The following ZNF813 variants were observed in gnomAD, a reference collection of about 807,000 sequenced individuals.
ZNF813 encodes zinc finger protein 813.
ZNF813 carries 3 observed loss-of-function variants against 7.2 expected under a neutral mutation model. That is an observed-to-expected ratio of 0.42 (90% CI 0.19 to 1.08). The LOEUF (loss-of-function observed/expected upper bound fraction) is 1.08, where lower values mean the gene tolerates loss of function less well. Among genes scored for constraint, ZNF813 ranks in the 50% least tolerant of loss-of-function variants. ZNF813 has a pLI of 0.30. For missense variants in ZNF813, 714 were observed against 753.3 expected, an observed-to-expected ratio of 0.95 and a Z score of 0.61; for synonymous variants, 227 against 256.3, an observed-to-expected ratio of 0.89 and a Z score of 1.09.
At chr19:53,473,729 A>G (rs1307766480) in intron 1 of ZNF813, among the ~76,000 whole-genome samples, 1 of 152,208 alleles carries the variant, frequency 6.6e-6, no homozygotes, top group Non-Finnish European at 1.5e-5. Flanking sequence ...GGCTTCTTGC[A>G]TGGCTATTAT....
rs2086473883 is a variant in ZNF813 at position 53,493,599 on chromosome 19, T to C, written c.*1513T>C. ...TTAAATTTTCTTTTAAAATTGTTTA[T>C]TGTTAATGTATGGAAATTCAGCTAA... is the stretch of plus-strand genomic sequence containing the variant. On this transcript the variant is annotated 3_prime_UTR_variant, in exon 4 of 4. Coordinates refer to ENST00000396403, the MANE Select transcript of ZNF813 (RefSeq NM_001004301.4). 1 of 152,390 alleles carries C rather than the reference T, an allele frequency of 6.6e-6. No homozygotes were observed. The highest frequency in any genetic ancestry group is 2.1e-4 in the South Asian group (1 of 4,838). The allele number at this position is 152,390 out of a possible 1,614,324, so 9.4% of individuals were successfully genotyped here. A position where few individuals can be genotyped will look rare whatever the true frequency, so the allele number is the denominator to read the frequency against.
At chr19:53,468,140 C>T (rs1184737059) in intron 1 of ZNF813, among the ~76,000 whole-genome samples, 1 of 152,102 alleles carries the variant, frequency 6.6e-6, no homozygotes, top group Non-Finnish European at 1.5e-5. Context: ...AGAACCGCGG[C>T]CCCAGTCCCG....
intron 1 of ZNF813, among the ~76,000 whole-genome samples, chr19:53,473,298 C>G (rs1179854211): frequency 6.6e-6 from 1 of 151,982 alleles, no homozygotes; most frequent in Non-Finnish European, 1.5e-5. Context: ...AGGGCTTGTC[C>G]CCTCCAGCTT....
intron 2 of ZNF813, among the ~76,000 whole-genome samples, chr19:53,485,568 ATACATGTATGTCATGACATATG>A (rs1260488683): frequency 2.7e-5 from 3 of 110,166 alleles, no homozygotes; most frequent in Non-Finnish European, 6.0e-5. Flanking sequence ...CATGACATAT[ATACATGTATGTCATGACATATG>A]TATGTCATGA....
chr19:53,471,597 C>T (rs1341183337), intron 1 of ZNF813, among the ~76,000 whole-genome samples: 1 of 151,860 alleles, frequency 6.6e-6, no homozygotes, highest in East Asian at 1.9e-4. Context: ...ATCACAAGGT[C>T]AGGAGATCAA....
At chr19:53,473,692 C>A (rs148679639) in intron 1 of ZNF813, among the ~76,000 whole-genome samples, 1 of 152,218 alleles carries the variant, frequency 6.6e-6, no homozygotes, top group African/African-American at 2.4e-5. Flanking sequence ...TCAGACTTAT[C>A]GGCATTCTTT....
rs775147572 is a variant in ZNF813, at chr19:53,492,022, A to G, written c.1790A>G (p.His597Arg). 24 of 1,614,006 alleles carry G rather than the reference A, an allele frequency of 1.5e-5. No individual in the cohort carries two copies. The highest frequency in any genetic ancestry group is 1.9e-5 in the Non-Finnish European group (22 of 1,180,002). The change falls in exon 4 of 4, where the codon CAT (histidine) becomes CGT (arginine). Residue 597 changes from histidine to arginine, a missense_variant. By Grantham distance (29) the His-to-Arg change is conservative. Transcript: ENST00000396403. Reference protein sequence around the residue: ...VFNQKANLARHHRLHTGEKPY... With the variant: ...VFNQKANLARRHRLHTGEKPY... ...AATCAAAAAGCAAACCTTGCACGTC[A>G]TCATAGACTTCATACTGGAGAGAAA...
At chr19:53,483,121 G>C (rs1316000565) in intron 1 of ZNF813, among the ~76,000 whole-genome samples, 1 of 151,936 alleles carries the variant, frequency 6.6e-6, no homozygotes, top group Non-Finnish European at 1.5e-5. Context: ...TGTTGGCCAG[G>C]CTGGTCTCTG....
In ZNF813 at chr19:53,490,457, A is replaced by G. The variant is rs1261545164; in HGVS notation, c.225A>G (p.Gln75=). The G allele has an allele frequency of 1.2e-6, 2 of 1,614,068 alleles. No individual in the cohort carries two copies. Among genetic ancestry groups the G allele is most frequent in the South Asian group, 1.1e-5 (1 of 91,082 alleles). ...NREVIHTGTL[Q]RHESHHTGDF... ...AAGTGATCCACACAGGGACATTGCAAAGACATGAAAGTCATCACACTGGAG... is the reference window on the plus strand; with the variant it reads ...AAGTGATCCACACAGGGACATTGCAGAGACATGAAAGTCATCACACTGGAG... The change falls in exon 4 of 4, where the codon CAA becomes CAG. Residue 75 remains glutamine (Q), a synonymous_variant. Transcript: ENST00000396403.
intron 2 of ZNF813, among the ~76,000 whole-genome samples, chr19:53,485,669 C>T (rs1454754522): frequency 6.6e-6 from 1 of 151,126 alleles, no homozygotes; most frequent in Admixed American, 6.6e-5. Flanking sequence ...TACACATACA[C>T]ACACAATGGA....
At position 53,492,595 on chromosome 19, in the gene ZNF813, C is replaced by A. The variant is rs2086469259; in HGVS notation, c.*509C>A. 1.6e-6 allele frequency: 1 copy of A among 642,384 alleles called. No homozygotes were observed. Among genetic ancestry groups the A allele is most frequent in the Non-Finnish European group, 2.7e-6 (1 of 363,772 alleles). The allele number at this position is 642,384 out of a possible 1,614,324, so 39.8% of individuals were successfully genotyped here. ...TAATGAGCAGTCAACACTTACTCAC[C>A]ATCAGGCAATCCATGGTGAAGGAAA... is the stretch of plus-strand genomic sequence containing the variant. On this transcript the variant is annotated 3_prime_UTR_variant, in exon 4 of 4. Transcript: ENST00000396403.
chr19:53,473,764 A>G (rs919247603), intron 1 of ZNF813, among the ~76,000 whole-genome samples: 5 of 152,288 alleles, frequency 3.3e-5, no homozygotes, highest in Admixed American at 1.3e-4. Flanking sequence ...GTTTTCTTAA[A>G]GTTAATTCCT....
chr19:53,488,141 C>A (rs917310608), intron 3 of ZNF813: 18 of 404,960 alleles, frequency 4.4e-5, no homozygotes, highest in African/African-American at 3.7e-4. Context: ...TCTCCTGCCT[C>A]AATTTCCCGA....
chr19:53,471,191 G>T (rs898375982), intron 1 of ZNF813, among the ~76,000 whole-genome samples: 1 of 152,068 alleles, frequency 6.6e-6, no homozygotes, highest in African/African-American at 2.4e-5. Flanking sequence ...AAGAAACATG[G>T]TCTAATTGTT....
chr19:53,490,535 G>T lies in ZNF813; in HGVS notation c.303G>T (p.Trp101Cys). ...ATATTCATAACTTAGAGTTTCAGTG[G>T]CAAGAAGATGAAAGAAATAGCCATG... ...DKDIHNLEFQWQEDERNSHEA... is the reference protein window; with the variant it reads ...DKDIHNLEFQCQEDERNSHEA... The change falls in exon 4 of 4, where the codon TGG (tryptophan) becomes TGT (cysteine). Residue 101 changes from tryptophan to cysteine, a missense_variant. Transcript: ENST00000396403. The T allele has an allele frequency of 6.2e-7, 1 of 1,614,126 alleles. No homozygotes were observed. The highest frequency in any genetic ancestry group is 8.5e-7 in the Non-Finnish European group (1 of 1,180,026).
chr19:53,479,456 G>A, intron 1 of ZNF813: 1 of 1,527,668 alleles, frequency 6.5e-7, no homozygotes, highest in African/African-American at 1.4e-5. Flanking sequence ...GAAGCTGAGA[G>A]AGAAAGGTGG....
chr19:53,479,227 G>A (rs370641705), intron 1 of ZNF813: 9 of 957,482 alleles, frequency 9.4e-6, no homozygotes, highest in South Asian at 2.8e-5. Context: ...GAGCAACCAC[G>A]CCCAGCTGAG....
intron 1 of ZNF813, chr19:53,479,488 G>A (rs1475365483): frequency 8.3e-6 from 12 of 1,453,864 alleles, no homozygotes; most frequent in East Asian, 2.3e-5. Context: ...GGCTGAGGCT[G>A]AAGTGGCCTC....
chr19:53,469,811 AAC>A (rs1411260090), intron 1 of ZNF813, among the ~76,000 whole-genome samples: 90 of 132,988 alleles, frequency 6.8e-4, no homozygotes, highest in Middle Eastern at 3.7e-3. Flanking sequence ...CAGGGGGTAT[AAC>A]AGGGAAGAGA....
Sources: allele counts gnomAD v4.1 joint callset (sites outside exome capture counted in the v4.1 genomes callset), GRCh38; gene constraint gnomAD v4.1.1; transcripts MANE v1.5; gene names NCBI Gene and HGNC (gene_info 2026-07-23, HGNC 2026-07-21).